STRADA: variants seen among roughly 807,000 people sequenced by gnomAD.
STRADA encodes STE20-related kinase adapter protein alpha.
Under a neutral mutation model 55.0 loss-of-function variants are expected in STRADA, and 26 were observed. That is an observed-to-expected ratio of 0.47 (90% CI 0.35 to 0.66). The LOEUF (loss-of-function observed/expected upper bound fraction) is 0.66, where lower values mean the gene tolerates loss of function less well. Ranked by LOEUF, STRADA falls within the 30% of genes least tolerant of loss-of-function variation. The pLI is 0.01. For synonymous variants in STRADA, 197 were observed against 210.9 expected (o/e 0.93, Z 0.57); for missense variants, 443 against 549.7 (o/e 0.81, Z 1.94).
At chr17:63,729,456 A>C (rs1318444106) in intron 1 of STRADA, among the ~76,000 whole-genome samples, 1 of 152,146 alleles carries the variant, frequency 6.6e-6, no homozygotes, top group East Asian at 1.9e-4. Context: ...TATTATGACT[A>C]TGCAAATATG....
chr17:63,736,603 G>T (rs1249402644), intron 1 of STRADA, among the ~76,000 whole-genome samples: 1 of 151,504 alleles, frequency 6.6e-6, no homozygotes, highest in African/African-American at 2.4e-5. Context: ...ACTCCAGCCT[G>T]GGTGACAGAG....
At chr17:63,709,133 A>C (rs1260145343) in intron 8 of STRADA, among the ~76,000 whole-genome samples, 1 of 152,164 alleles carries the variant, frequency 6.6e-6, no homozygotes, top group Non-Finnish European at 1.5e-5. Flanking sequence ...ATGTCCCCTG[A>C]TGGGTCTGCA....
chr17:63,703,393 G>C lies in STRADA; in HGVS notation c.*206C>G, dbSNP rs1484921180. On this transcript the variant is annotated 3_prime_UTR_variant, in exon 13 of 13. Transcript: ENST00000336174. ...TGGACCCTCCTGATCCCTGGTTGTT[G>C]AGATTCCCTTGTGTCTCAAAAGCCT... 1.8e-6 allele frequency: 1 copy of C among 560,790 alleles called. No individual in the cohort carries two copies. The highest frequency in any genetic ancestry group is 3.4e-5 in the Admixed American group (1 of 29,750). The allele number at this position is 560,790 out of a possible 1,614,324, so 34.7% of individuals were successfully genotyped here. A position where few individuals can be genotyped will look rare whatever the true frequency, so the allele number is the denominator to read the frequency against.
Position 63,740,125 on chromosome 17 carries a change from T to TATATAC in STRADA, c.-45+1615_-45+1616insGTATAT, listed in dbSNP as rs1568233965. Among the ~76,000 whole-genome samples the TATATAC allele has an allele frequency of 2.9e-4, 22 of 77,020 alleles. 1 individual carries two copies. The highest frequency in any genetic ancestry group is 1.4e-3 in the African/African-American group (21 of 14,798). 50.5% of individuals were successfully genotyped at this position (77,020 alleles called of 152,430 possible). On this transcript the variant is annotated intron_variant, in intron 1 of 12. Coordinates refer to ENST00000336174, the MANE Select transcript of STRADA (RefSeq NM_001003787.4). ...ATATATATACATACATACATATATA[T>TATATAC]ATACACATACATATATATATATACA...
chr17:63,728,505 T>C (rs139462377), intron 1 of STRADA, 92 bp from the exon 2 acceptor site: 1 of 638,118 alleles, frequency 1.6e-6, no homozygotes, highest in East Asian at 2.9e-5. Flanking sequence ...AGGTCTACCA[T>C]TCAAAGCACT....
intron 1 of STRADA, among the ~76,000 whole-genome samples, chr17:63,729,583 G>A (rs942862817): frequency 1.4e-4 from 21 of 152,024 alleles, no homozygotes; most frequent in Middle Eastern, 3.4e-3. Context: ...TCAGGAGTTC[G>A]AGACTAGCCT....
chr17:63,704,758 C>T (rs981896744), intron 10 of STRADA, 176 bp from the exon 11 acceptor site: 4 of 1,529,924 alleles, frequency 2.6e-6, no homozygotes, highest in South Asian at 2.4e-5. Context: ...ACGCTGGTCA[C>T]TGGCGTGGCA....
intron 4 of STRADA, among the ~76,000 whole-genome samples, 179 bp downstream of exon 4, chr17:63,723,119 C>T (rs917882745): frequency 2.6e-5 from 4 of 152,148 alleles, no homozygotes; most frequent in Non-Finnish European, 5.9e-5. Context: ...TCAAACTACA[C>T]ATCCAAATTT....
At position 63,710,523 on chromosome 17, in the gene STRADA, G is replaced by A. The variant is rs1273514509; in HGVS notation, c.549C>T (p.Leu183=). The change falls in exon 8 of 13, where the codon CTC becomes CTT. Residue 183 remains leucine (L), a synonymous_variant. Coordinates refer to ENST00000336174, the MANE Select transcript of STRADA (RefSeq NM_001003787.4). ...CATATCCCATGTGGTGGATGTAGTC[G>A]AGGGCCTTCAGCACCCCCTGCAGGA... The part of the protein sequence containing the change: ...AYILQGVLKA[L]DYIHHMGYVH... 3.7e-6 allele frequency: 6 copies of A among 1,613,872 alleles called. No individual in the cohort carries two copies. Among genetic ancestry groups the A allele is most frequent in the East Asian group, 2.2e-5 (1 of 44,878 alleles).
chr17:63,733,265 T>C (rs1234037835), intron 1 of STRADA, among the ~76,000 whole-genome samples: 1 of 152,214 alleles, frequency 6.6e-6, no homozygotes, highest in Non-Finnish European at 1.5e-5. Context: ...ATCAGACTCC[T>C]CAATGTTCAC....
intron 4 of STRADA, among the ~76,000 whole-genome samples, chr17:63,717,330 C>T (rs1014730231): frequency 7.2e-5 from 11 of 152,266 alleles, no homozygotes; most frequent in Admixed American, 3.9e-4. Context: ...ATTTTTGAGA[C>T]GGAGTCTCAC....
intron 1 of STRADA, among the ~76,000 whole-genome samples, chr17:63,734,542 G>A (rs1230707507): frequency 6.6e-6 from 1 of 152,050 alleles, no homozygotes; most frequent in Non-Finnish European, 1.5e-5. Flanking sequence ...TACTTGGGAG[G>A]CTGAGAATCG....
intron 3 of STRADA, 76 bp from the exon 4 acceptor site, chr17:63,723,402 G>A (rs968178169): frequency 6.4e-7 from 1 of 1,560,150 alleles, no homozygotes; most frequent in South Asian, 1.1e-5. Context: ...AGCAATTATT[G>A]TACTTAGGAC....
chr17:63,703,553 T>C lies in STRADA; in HGVS notation c.*46A>G. The C allele has an allele frequency of 6.4e-7, 1 of 1,567,190 alleles. No individual in the cohort carries two copies. Among genetic ancestry groups the C allele is most frequent in the Non-Finnish European group, 8.7e-7 (1 of 1,150,642 alleles). Reference sequence around the variant, plus strand: ...CCGGCCCTCAGGAAGGGCCTCTGGGTGGCCTCTGCATCCCTGGCTGGAGAA... The same window carrying C: ...CCGGCCCTCAGGAAGGGCCTCTGGGCGGCCTCTGCATCCCTGGCTGGAGAA... On this transcript the variant is annotated 3_prime_UTR_variant, in exon 13 of 13. Coordinates refer to ENST00000336174, the MANE Select transcript of STRADA (RefSeq NM_001003787.4).
intron 6 of STRADA, 30 bp from the exon 7 acceptor site, chr17:63,710,866 A>C: frequency 6.3e-7 from 1 of 1,596,232 alleles, no homozygotes; most frequent in Non-Finnish European, 8.6e-7. Flanking sequence ...TGAAGTCAGA[A>C]CCAAATGGCA....
At chr17:63,720,893 T>TC (rs1480980645) in intron 4 of STRADA, among the ~76,000 whole-genome samples, 2 of 143,914 alleles carry the variant, frequency 1.4e-5, no homozygotes, top group African/African-American at 2.6e-5. Flanking sequence ...GGTCAGGAGT[T>TC]CGAGTCCAGC....
chr17:63,711,993 G>C (rs142909632), intron 6 of STRADA, among the ~76,000 whole-genome samples: 107 of 152,168 alleles, frequency 7.0e-4, no homozygotes, highest in Non-Finnish European at 1.1e-3. Context: ...GGCCAGCTGA[G>C]ACTGGCTTCT....
At chr17:63,740,142 A>C in intron 1 of STRADA, among the ~76,000 whole-genome samples, 1 of 43,210 alleles carries the variant, frequency 2.3e-5, no homozygotes, top group Non-Finnish European at 4.1e-5. Flanking sequence ...ATACATATAT[A>C]TATATACACA....
intron 1 of STRADA, among the ~76,000 whole-genome samples, chr17:63,739,720 ATG>A (rs2038724953): frequency 6.7e-6 from 1 of 148,398 alleles, no homozygotes; most frequent in Admixed American, 6.8e-5. Flanking sequence ...ATATAATTTT[ATG>A]TGTATATATT....
Sources: gnomAD v4.1 joint callset for allele counts (sites outside exome capture counted in the v4.1 genomes callset) on GRCh38, gnomAD v4.1.1 for gene constraint, MANE v1.5 for transcripts, NCBI Gene and HGNC (gene_info 2026-07-23, HGNC 2026-07-21) for gene names.